MYT1L: variants seen among roughly 807,000 people sequenced by gnomAD.
MYT1L encodes myelin transcription factor 1-like protein.
Under a neutral mutation model 126.7 loss-of-function variants are expected in MYT1L, and 12 were observed. The ratio of observed to expected loss-of-function variants is 0.09; its 90% CI spans 0.06 to 0.15. MYT1L has a LOEUF of 0.15. Among genes scored for constraint, MYT1L ranks in the 10% least tolerant of loss-of-function variants. MYT1L has a pLI of 1.00. For synonymous variants in MYT1L, 541 were observed against 604.2 expected (o/e 0.90, Z 1.53); for missense variants, 979 against 1,585.2 (o/e 0.62, Z 6.49).
intron 1 of MYT1L, among the ~76,000 whole-genome samples, chr2:2,302,801 G>T (rs536949187): frequency 4.0e-4 from 61 of 152,284 alleles, no homozygotes; most frequent in African/African-American, 1.4e-3. Flanking sequence ...GTAATGGTTT[G>T]ATGCGTGAAC....
chr2:2,325,502 A>C (rs1189725332), intron 1 of MYT1L: 1 of 152,254 alleles, frequency 6.6e-6, no homozygotes, highest in Non-Finnish European at 1.5e-5. Context: ...AAAATAGCTA[A>C]GGGAACATAG....
intron 8 of MYT1L, among the ~76,000 whole-genome samples, chr2:1,965,546 G>C (rs543104336): frequency 6.6e-6 from 1 of 152,368 alleles, no homozygotes; most frequent in Admixed American, 6.5e-5. Context: ...GAGGAACCTG[G>C]AGTTTATCAG....
chr2:2,096,402 T>A (rs1275394869), intron 3 of MYT1L, among the ~76,000 whole-genome samples: 1 of 152,214 alleles, frequency 6.6e-6, no homozygotes, highest in Non-Finnish European at 1.5e-5. Flanking sequence ...CCTTTCTTCT[T>A]TCTCATGGGT....
intron 3 of MYT1L, among the ~76,000 whole-genome samples, chr2:2,105,259 G>A (rs374431740): frequency 6.6e-6 from 1 of 152,134 alleles, no homozygotes; most frequent in Non-Finnish European, 1.5e-5. Context: ...TCTGTGCTCC[G>A]TGGACCACAT....
Position 2,102,127 on chromosome 2 carries a change from G to C in MYT1L, c.-303-48004C>G, listed in dbSNP as rs151105724. ...CAGTCCCCTACTTATACCACTGGGG[G>C]GAAGCTGTTTTAGAGTGATTTTTAG... On this transcript the variant is annotated intron_variant, in intron 3 of 24. Coordinates refer to ENST00000647738, the MANE Select transcript of MYT1L (RefSeq NM_001303052.2). 6.7e-3 allele frequency among the ~76,000 whole-genome samples: 1,019 copies of C among 152,218 alleles called. 11 individuals carry two copies. Among genetic ancestry groups the C allele is most frequent in the African/African-American group, 0.023 (965 of 41,524 alleles).
intron 8 of MYT1L, among the ~76,000 whole-genome samples, chr2:1,961,863 C>G (rs1216790819): frequency 6.6e-6 from 1 of 152,094 alleles, no homozygotes; most frequent in African/African-American, 2.4e-5. Context: ...TACGGTTTGA[C>G]AGAAGAAATA....
At chr2:1,955,155 A>AT (rs1261312629) in intron 8 of MYT1L, among the ~76,000 whole-genome samples, 3 of 150,816 alleles carry the variant, frequency 2.0e-5, no homozygotes, top group South Asian at 2.1e-4. Flanking sequence ...AAAAAAAAAA[A>AT]ATATGATTCT....
intron 4 of MYT1L, among the ~76,000 whole-genome samples, chr2:2,050,092 G>C (rs1345346677): frequency 2.6e-5 from 4 of 152,070 alleles, no homozygotes; most frequent in African/African-American, 9.7e-5. Context: ...ATGATTAGCA[G>C]CTATTATCAT....
At position 2,017,430 on chromosome 2, in the gene MYT1L, G is replaced by A. The variant is rs144663102; in HGVS notation, c.-157-20083C>T. 4.2e-3 allele frequency among the ~76,000 whole-genome samples: 641 copies of A among 152,268 alleles called. 7 individuals carry two copies. Among genetic ancestry groups the A allele is most frequent in the African/African-American group, 0.015 (612 of 41,564 alleles). ...AAAAAGGAAGCTAGCTTGAGAGATG[G>A]GCTTCCAGCCAGTGCCTTCAACTGT... is the stretch of plus-strand genomic sequence containing the variant. On this transcript the variant is annotated intron_variant, in intron 4 of 24. Transcript: ENST00000647738.
intron 1 of MYT1L, among the ~76,000 whole-genome samples, chr2:2,329,885 G>A (rs2096274444): frequency 1.3e-5 from 2 of 151,270 alleles, no homozygotes; most frequent in South Asian, 4.2e-4. Flanking sequence ...TTTCTGGAAT[G>A]TTTCTCTTAG....
rs961483838 is a variant in MYT1L, at chr2:2,062,699, A to G, written c.-303-8576T>C. 7.9e-5 allele frequency among the ~76,000 whole-genome samples: 12 copies of G among 152,308 alleles called. No individual in the cohort carries two copies. The South Asian group carries it at 8.3e-4, about 11-fold the overall frequency. ...CACCCAACTAATATTTGTCTGAGCA[A>G]AACAGTCTAGATGAGAGAGAACTTC... On this transcript the variant is annotated intron_variant, in intron 3 of 24. Coordinates refer to ENST00000647738, the MANE Select transcript of MYT1L (RefSeq NM_001303052.2).
At chr2:2,037,005 C>T (rs1025699904) in intron 4 of MYT1L, among the ~76,000 whole-genome samples, 2 of 152,224 alleles carry the variant, frequency 1.3e-5, no homozygotes, top group Admixed American at 1.3e-4. Context: ...TCCCAATACA[C>T]CTGGCTCAGC....
rs565927880 is a variant in MYT1L at position 2,069,077 on chromosome 2, TTTTC to T, written c.-303-14958_-303-14955del. ...TCCTTGACATTTGGGCAACATTTTT[TTTTC>T]TTTTATTATACTTTAAGTTCTGGGG... On this transcript the variant is annotated intron_variant, in intron 3 of 24. Coordinates refer to ENST00000647738, the MANE Select transcript of MYT1L (RefSeq NM_001303052.2). Among the ~76,000 whole-genome samples the T allele has an allele frequency of 1.2e-3, 175 of 152,168 alleles. 1 individual carries two copies. Among genetic ancestry groups the T allele is most frequent in the African/African-American group, 3.6e-3 (149 of 41,510 alleles).
At chr2:1,858,029 A>C (rs969268826) in intron 18 of MYT1L, among the ~76,000 whole-genome samples, 2 of 152,102 alleles carry the variant, frequency 1.3e-5, no homozygotes, top group African/African-American at 4.8e-5. Context: ...TACCCAGCTA[A>C]TCTTTTGTAT....
intron 2 of MYT1L, among the ~76,000 whole-genome samples, chr2:2,280,518 ACTT>A (rs2095432684): frequency 6.6e-6 from 1 of 152,062 alleles, no homozygotes; most frequent in Non-Finnish European, 1.5e-5. Flanking sequence ...ACCGAACTAA[ACTT>A]CTTCTATCCG....
At chr2:1,953,918 T>C (rs1264765773) in intron 8 of MYT1L, among the ~76,000 whole-genome samples, 12 of 152,196 alleles carry the variant, frequency 7.9e-5, no homozygotes, top group Admixed American at 3.9e-4. Flanking sequence ...AGCTGCTGTA[T>C]GAATATATTC....
chr2:1,909,151 G>T (rs1395797392), intron 13 of MYT1L, among the ~76,000 whole-genome samples: 2 of 152,134 alleles, frequency 1.3e-5, no homozygotes, highest in African/African-American at 4.8e-5. Context: ...ACAGGTTCTT[G>T]CTCTGTCATC....
intron 3 of MYT1L, among the ~76,000 whole-genome samples, chr2:2,148,142 T>C (rs2085176891): frequency 6.6e-6 from 1 of 152,150 alleles, no homozygotes; most frequent in African/African-American, 2.4e-5. Context: ...TATCTGGATA[T>C]CAAGGAGACT....
At chr2:1,961,278 C>T (rs1005604307) in intron 8 of MYT1L, among the ~76,000 whole-genome samples, 2 of 152,196 alleles carry the variant, frequency 1.3e-5, no homozygotes, top group Non-Finnish European at 2.9e-5. Context: ...ATCCGTGTCA[C>T]AAAACCACAC....
Sources: allele counts gnomAD v4.1 joint callset (sites outside exome capture counted in the v4.1 genomes callset), GRCh38; gene constraint gnomAD v4.1.1; transcripts MANE v1.5; gene names NCBI Gene and HGNC (gene_info 2026-07-23, HGNC 2026-07-21).